The following CNTNAP2 variants were observed in gnomAD, a reference collection of about 807,000 sequenced individuals.
The protein encoded by CNTNAP2 is contactin associated protein 2.
CNTNAP2 carries 98 observed loss-of-function variants against 155.2 expected under a neutral mutation model. The ratio of observed to expected loss-of-function variants is 0.63; its 90% CI spans 0.54 to 0.75. The LOEUF (loss-of-function observed/expected upper bound fraction) is 0.75. CNTNAP2 is among the 30% of genes least tolerant of loss of function. The pLI, the probability that CNTNAP2 is intolerant of heterozygous loss-of-function variation, is 0.00. For missense variants in CNTNAP2, 1,727 were observed against 1,688.1 expected (o/e 1.02, Z -0.40); for synonymous variants, 651 against 631.2 (o/e 1.03, Z -0.47).
At position 147,099,770 on chromosome 7, in the gene CNTNAP2, C is replaced by T. The variant is rs148129604; in HGVS notation, c.551-8377C>T. Among the ~76,000 whole-genome samples the T allele has an allele frequency of 7.4e-3, 1,134 of 152,226 alleles. 13 individuals are homozygous for T. The highest frequency in any genetic ancestry group is 0.026 in the African/African-American group (1,064 of 41,536). On this transcript the variant is annotated intron_variant, in intron 4 of 23. Coordinates refer to ENST00000361727, the MANE Select transcript of CNTNAP2 (RefSeq NM_014141.6). ...TTTCTTGATGTCTGGTTTCTTTCCT[C>T]ATCTGTGTAGCATTTACTTAGGATT... is the stretch of plus-strand genomic sequence containing the variant.
chr7:147,818,380 A>C (rs1378756900), intron 13 of CNTNAP2, among the ~76,000 whole-genome samples: 1 of 152,204 alleles, frequency 6.6e-6, no homozygotes, highest in Non-Finnish European at 1.5e-5. Context: ...AATTTGCAGA[A>C]GCTAATAGTG....
chr7:146,891,800 C>T (rs974802992), intron 3 of CNTNAP2, among the ~76,000 whole-genome samples: 15 of 152,128 alleles, frequency 9.9e-5, no homozygotes, highest in African/African-American at 2.9e-4. Context: ...ACACAGCACT[C>T]TAAGAAACTA....
At chr7:146,935,771 C>G (rs1463739284) in intron 3 of CNTNAP2, among the ~76,000 whole-genome samples, 1 of 152,262 alleles carries the variant, frequency 6.6e-6, no homozygotes, top group African/African-American at 2.4e-5. Flanking sequence ...TACAGACACT[C>G]AGTTGTAGGG....
intron 1 of CNTNAP2, among the ~76,000 whole-genome samples, chr7:146,199,321 TC>T (rs926421191): frequency 6.6e-6 from 1 of 152,124 alleles, no homozygotes; most frequent in African/African-American, 2.4e-5. Context: ...AATGCACTAA[TC>T]CAAGATGCCA....
intron 9 of CNTNAP2, among the ~76,000 whole-genome samples, chr7:147,355,884 G>C (rs1175255847): frequency 6.6e-6 from 1 of 152,094 alleles, no homozygotes; most frequent in Non-Finnish European, 1.5e-5. Flanking sequence ...CATTCCTTCT[G>C]AAACTATCCT....
chr7:147,353,323 G>C (rs10257796), intron 9 of CNTNAP2, among the ~76,000 whole-genome samples: 1 of 151,724 alleles, frequency 6.6e-6, no homozygotes, highest in Non-Finnish European at 1.5e-5. Flanking sequence ...ACAGGCCCCA[G>C]TATGTGATGT....
chr7:147,595,418 G>A (rs1227045343), intron 12 of CNTNAP2, among the ~76,000 whole-genome samples: 1 of 152,074 alleles, frequency 6.6e-6, no homozygotes, highest in Non-Finnish European at 1.5e-5. Context: ...ATATTGTACA[G>A]GTCTGGATAT....
At chr7:147,448,564 A>G (rs1347882491) in intron 10 of CNTNAP2, among the ~76,000 whole-genome samples, 1 of 151,408 alleles carries the variant, frequency 6.6e-6, no homozygotes, top group Non-Finnish European at 1.5e-5. Flanking sequence ...AGTATATGGC[A>G]AGCAATTGAC....
chr7:148,134,659 A>T (rs1804901032), intron 16 of CNTNAP2, among the ~76,000 whole-genome samples: 1 of 152,186 alleles, frequency 6.6e-6, no homozygotes, highest in South Asian at 2.1e-4. Context: ...ATAATATCTT[A>T]TTTTGATAAA....
At chr7:147,007,919 C>T (rs1798554129) in intron 3 of CNTNAP2, among the ~76,000 whole-genome samples, 1 of 151,964 alleles carries the variant, frequency 6.6e-6, no homozygotes, top group African/African-American at 2.4e-5. Flanking sequence ...AACTTCTCTC[C>T]CTAATCATCA....
intron 12 of CNTNAP2, among the ~76,000 whole-genome samples, chr7:147,587,196 G>A (rs1285233391): frequency 6.6e-6 from 1 of 152,274 alleles, no homozygotes; most frequent in South Asian, 2.1e-4. Flanking sequence ...ACAGAATGCA[G>A]GGTCAGCACT....
chr7:146,939,377 C>T (rs1442178145), intron 3 of CNTNAP2, among the ~76,000 whole-genome samples: 1 of 152,188 alleles, frequency 6.6e-6, no homozygotes, highest in Non-Finnish European at 1.5e-5. Flanking sequence ...AATGTGCCTA[C>T]AGTAAATTCA....
At chr7:146,797,244 G>A (rs1029427376) in intron 2 of CNTNAP2, among the ~76,000 whole-genome samples, 4 of 152,130 alleles carry the variant, frequency 2.6e-5, no homozygotes, top group African/African-American at 9.7e-5. Context: ...GACTACTGAG[G>A]GACACAGGAT....
chr7:146,211,570 T>C (rs1047716423), intron 1 of CNTNAP2, among the ~76,000 whole-genome samples: 25 of 152,306 alleles, frequency 1.6e-4, no homozygotes, highest in Admixed American at 6.5e-4. Flanking sequence ...CTTTGGATCC[T>C]GTCCTGATGG....
rs1244856879 is a variant in CNTNAP2 at position 147,347,450 on chromosome 7, A to G, written c.1498+47160A>G. Reference sequence around the variant, plus strand: ...TATATATATATATATGCATATATATATATATGCATATATATATATATATAT... The same window carrying G: ...TATATATATATATATGCATATATATGTATATGCATATATATATATATATAT... On this transcript the variant is annotated intron_variant, in intron 9 of 23. Transcript: ENST00000361727. Among the ~76,000 whole-genome samples, 2 of 48,590 alleles carry G rather than the reference A, an allele frequency of 4.1e-5. 1 individual carries two copies. Among genetic ancestry groups the G allele is most frequent in the Non-Finnish European group, 9.0e-5 (2 of 22,192 alleles). The allele number at this position is 48,590 out of a possible 152,430, so 31.9% of individuals were successfully genotyped here. A position where few individuals can be genotyped will look rare whatever the true frequency, so the allele number is the denominator to read the frequency against.
chr7:146,381,259 A>G lies in CNTNAP2; in HGVS notation c.97+264286A>G, dbSNP rs142744580. On this transcript the variant is annotated intron_variant, in intron 1 of 23. Transcript: ENST00000361727. ...TTGACCTGAGATTGCTACATAGGAA[A>G]TATCAAATCTATTAGGCTTTTGTTC... Among the ~76,000 whole-genome samples the G allele has an allele frequency of 8.3e-3, 1,267 of 152,330 alleles. 18 individuals carry two copies. Among genetic ancestry groups the G allele is most frequent in the African/African-American group, 0.029 (1,197 of 41,572 alleles).
chr7:147,039,222 A>G (rs1329346182), intron 3 of CNTNAP2, among the ~76,000 whole-genome samples: 1 of 152,212 alleles, frequency 6.6e-6, no homozygotes, highest in African/African-American at 2.4e-5. Flanking sequence ...ATATAGACAC[A>G]TATTCAGGTT....
In CNTNAP2 at chr7:147,903,562, T is replaced by C; in HGVS notation, c.2099-3T>C. ...CTAAATATACCTTTGCCTTTTCTTG[T>C]AGATGGAAGCCCTTACACTTGGTGG... On this transcript the variant is annotated splice_region_variant and splice_polypyrimidine_tract_variant and intron_variant, in intron 13 of 23. Transcript: ENST00000361727. 3.1e-6 allele frequency: 5 copies of C among 1,614,150 alleles called. No individual in the cohort carries two copies. The highest frequency in any genetic ancestry group is 4.2e-6 in the Non-Finnish European group (5 of 1,180,020).
intron 13 of CNTNAP2, among the ~76,000 whole-genome samples, chr7:147,736,663 CAGACGT>C (rs1796851673): frequency 6.6e-6 from 1 of 152,230 alleles, no homozygotes; most frequent in South Asian, 2.1e-4. Context: ...GTACACCAAT[CAGACGT>C]AGATTTGGTC....
Sources: gnomAD v4.1 joint callset for allele counts (sites outside exome capture counted in the v4.1 genomes callset) on GRCh38, gnomAD v4.1.1 for gene constraint, MANE v1.5 for transcripts, NCBI Gene and HGNC (gene_info 2026-07-23, HGNC 2026-07-21) for gene names.